AVEN: variants seen among roughly 807,000 people sequenced by gnomAD.
AVEN encodes apoptosis and caspase activation inhibitor.
AVEN carries 41 observed loss-of-function variants against 38.1 expected under a neutral mutation model. The ratio of observed to expected loss-of-function variants is 1.08; its 90% confidence interval spans 0.84 to 1.40. The LOEUF (loss-of-function observed/expected upper bound fraction) is 1.40. Ranked by LOEUF, AVEN falls within the 40% of genes most tolerant of loss-of-function variation. The pLI is 0.00. For missense variants in AVEN, 605 were observed against 438.8 expected (o/e 1.38, Z -3.38); for synonymous variants, 206 against 171.8 (o/e 1.20, Z -1.56).
At chr15:33,975,387 G>A (rs1298155103) in intron 2 of AVEN, among the ~76,000 whole-genome samples, 2 of 152,096 alleles carry the variant, frequency 1.3e-5, no homozygotes, top group African/African-American at 2.4e-5. Context: ...TTAGCTATGC[G>A]GAATGCTACT....
chr15:34,073,985 TCTTC>T (rs1293204181), intron 1 of AVEN, among the ~76,000 whole-genome samples: 2 of 42,818 alleles, frequency 4.7e-5, no homozygotes, highest in African/African-American at 8.3e-5. Flanking sequence ...TTTTTCTTCT[TCTTC>T]TTTTTTTTTT....
intron 11 of AVEN, chr15:33,861,207 G>A (rs756969830): frequency 4.6e-6 from 7 of 1,507,694 alleles, no homozygotes; most frequent in Non-Finnish European, 5.4e-6. Flanking sequence ...CAAAAGTAAT[G>A]GCAGCTGTAG....
upstream of AVEN, among the ~76,000 whole-genome samples, chr15:34,042,698 C>T (rs373129802): frequency 3.9e-4 from 59 of 151,986 alleles, no homozygotes; most frequent in Admixed American, 1.8e-3. Context: ...CCACCGTGCC[C>T]GGCAACCTAA....
chr15:34,035,911 T>C (rs895396525), intron 1 of AVEN, among the ~76,000 whole-genome samples: 6 of 152,080 alleles, frequency 3.9e-5, no homozygotes, highest in Non-Finnish European at 7.4e-5. Flanking sequence ...TCCGGCTGCT[T>C]CAGCCTCCCT....
chr15:33,942,383 G>A (rs1030826938), intron 2 of AVEN, among the ~76,000 whole-genome samples: 3 of 152,030 alleles, frequency 2.0e-5, no homozygotes, highest in African/African-American at 7.3e-5. Context: ...CTCAACAACC[G>A]TGGTACTAAG....
chr15:34,048,421 G>A (rs943822680), intron 5 of AVEN, among the ~76,000 whole-genome samples: 6 of 150,550 alleles, frequency 4.0e-5, no homozygotes, highest in Non-Finnish European at 5.9e-5. Flanking sequence ...GAGCACAGCT[G>A]CTTTGCCAGA....
intron 2 of AVEN, among the ~76,000 whole-genome samples, chr15:33,985,410 TGC>T (rs1896387443): frequency 6.7e-6 from 1 of 149,990 alleles, no homozygotes; most frequent in African/African-American, 2.4e-5. Flanking sequence ...CTGAGCTGAG[TGC>T]ATGCCCTCAG....
intron 2 of AVEN, among the ~76,000 whole-genome samples, chr15:33,882,342 A>G (rs2153038202): frequency 6.6e-6 from 1 of 152,304 alleles, no homozygotes; most frequent in Non-Finnish European, 1.5e-5. Context: ...GTACATGAAG[A>G]GTTCACATTT....
chr15:33,881,947 G>A (rs912031093), intron 2 of AVEN, among the ~76,000 whole-genome samples: 1 of 152,226 alleles, frequency 6.6e-6, no homozygotes, highest in Non-Finnish European at 1.5e-5. Context: ...ACATGGAGAA[G>A]TGTGTCTTAG....
chr15:34,023,230 C>G (rs1898290305), intron 1 of AVEN, among the ~76,000 whole-genome samples: 1 of 152,154 alleles, frequency 6.6e-6, no homozygotes, highest in Non-Finnish European at 1.5e-5. Flanking sequence ...TCTCATCCCC[C>G]ACTCAGGTTG....
At position 33,867,582 on chromosome 15, in the gene AVEN, T is replaced by C. The variant is rs752052567; in HGVS notation, c.886A>G (p.Ile296Val). 1.2e-4 allele frequency: 193 copies of C among 1,614,118 alleles called. No homozygotes were observed. Among genetic ancestry groups the C allele is most frequent in the Non-Finnish European group, 1.5e-4 (173 of 1,180,044 alleles). ...GGTAAGATGTTATCTCCCTCTTTTATAGGTGCATCTAAATTAAGCAACAGA... is the reference window on the plus strand; with the variant it reads ...GGTAAGATGTTATCTCCCTCTTTTACAGGTGCATCTAAATTAAGCAACAGA... ...LDLLLNLDAP[I>V]KEGDNILPDQ... Residue 296 changes from isoleucine to valine, a missense_variant, in exon 5 of 6, where the codon ATA becomes GTA. Transcript: ENST00000306730.
chr15:33,942,390 T>G (rs1260210553), intron 2 of AVEN, among the ~76,000 whole-genome samples: 1 of 152,218 alleles, frequency 6.6e-6, no homozygotes, highest in East Asian at 1.9e-4. Flanking sequence ...ACCGTGGTAC[T>G]AAGTATTTAA....
At chr15:33,893,858 C>T (rs1428588026) in intron 2 of AVEN, among the ~76,000 whole-genome samples, 3 of 151,864 alleles carry the variant, frequency 2.0e-5, no homozygotes, top group Non-Finnish European at 2.9e-5. Flanking sequence ...AGTGTGGTCA[C>T]GGTGTTCCAT....
At chr15:33,984,404 AG>A (rs1043043231) in intron 2 of AVEN, among the ~76,000 whole-genome samples, 2 of 127,476 alleles carry the variant, frequency 1.6e-5, no homozygotes, top group South Asian at 2.7e-4. Context: ...GATTGATGGT[AG>A]GGTTTTTTTT....
intron 2 of AVEN, among the ~76,000 whole-genome samples, chr15:33,945,587 T>C (rs1368092715): frequency 1.3e-5 from 2 of 152,032 alleles, no homozygotes; most frequent in African/African-American, 4.8e-5. Context: ...AGAAAATGTT[T>C]TGTTTTGGTT....
intron 2 of AVEN, among the ~76,000 whole-genome samples, chr15:33,988,277 G>A (rs965680883): frequency 2.0e-5 from 3 of 152,064 alleles, no homozygotes; most frequent in East Asian, 1.9e-4. Context: ...AATATATTTC[G>A]ATTTTAATGA....
chr15:33,897,824 G>A (rs1351162749), intron 2 of AVEN, among the ~76,000 whole-genome samples: 1 of 152,138 alleles, frequency 6.6e-6, no homozygotes, highest in African/African-American at 2.4e-5. Context: ...TTAGGTTAAA[G>A]CAAGTTATGA....
chr15:33,907,173 T>C (rs1250596703), intron 2 of AVEN, among the ~76,000 whole-genome samples: 1 of 152,188 alleles, frequency 6.6e-6, no homozygotes, highest in Non-Finnish European at 1.5e-5. Flanking sequence ...ATCAGCAGGA[T>C]AGACCCTGCT....
chr15:33,951,837 A>C (rs1302367757), intron 2 of AVEN, among the ~76,000 whole-genome samples: 1 of 152,196 alleles, frequency 6.6e-6, no homozygotes. Context: ...GCACAGAGGA[A>C]AGTTTGATAA....
Sources: allele counts gnomAD v4.1 joint callset (sites outside exome capture counted in the v4.1 genomes callset), GRCh38; gene constraint gnomAD v4.1.1; transcripts MANE v1.5; gene names NCBI Gene and HGNC (gene_info 2026-07-23, HGNC 2026-07-21).